PRKG2: variants seen among roughly 807,000 people sequenced by gnomAD.
PRKG2 encodes the protein protein kinase cGMP-dependent 2, also known as cGMP-dependent protein kinase 2.
PRKG2 carries 33 observed loss-of-function variants against 97.2 expected under a neutral mutation model. The ratio of observed to expected loss-of-function variants is 0.34; its 90% CI spans 0.26 to 0.45. The LOEUF is 0.45. Ranked by LOEUF, PRKG2 falls within the 20% of genes least tolerant of loss-of-function variation. PRKG2 has a pLI of 1.00. For synonymous variants in PRKG2, 330 were observed against 321.8 expected (o/e 1.03, Z -0.27); for missense variants, 638 against 900.0 (o/e 0.71, Z 3.73).
intron 7 of PRKG2, among the ~76,000 whole-genome samples, chr4:81,152,998 A>C (rs1011703270): frequency 6.6e-6 from 1 of 152,208 alleles, no homozygotes; most frequent in Non-Finnish European, 1.5e-5. Flanking sequence ...ACAGGTGCTC[A>C]AGAATTGGCC....
Position 81,159,056 on chromosome 4 carries a change from A to T in PRKG2, c.913-5335T>A, listed in dbSNP as rs568367155. On this transcript the variant is annotated intron_variant, in intron 6 of 18. Coordinates refer to ENST00000264399, the MANE Select transcript of PRKG2 (RefSeq NM_006259.3). Reference sequence around the variant, plus strand: ...ATTCGGGACATAGGCATGGGCAAGGACTTCATGTCTAAAACACCAAAAGCA... The same window carrying T: ...ATTCGGGACATAGGCATGGGCAAGGTCTTCATGTCTAAAACACCAAAAGCA... Among the ~76,000 whole-genome samples, 43 of 152,298 alleles carry T rather than the reference A, an allele frequency of 2.8e-4. No individual in the cohort carries two copies. The South Asian group carries it at 3.7e-3, about 13-fold the overall frequency.
At chr4:81,186,252 T>C (rs574450769) in intron 2 of PRKG2, among the ~76,000 whole-genome samples, 3 of 152,048 alleles carry the variant, frequency 2.0e-5, no homozygotes, top group South Asian at 2.1e-4. Flanking sequence ...TGCAAAAGAA[T>C]GGAAATCATA....
At chr4:81,098,556 C>G (rs2109954667) in intron 17 of PRKG2, among the ~76,000 whole-genome samples, 1 of 152,198 alleles carries the variant, frequency 6.6e-6, no homozygotes, top group South Asian at 2.1e-4. Flanking sequence ...AAGTGAGAGA[C>G]TTGAGACTGT....
Position 81,148,895 on chromosome 4 carries a change from A to C in PRKG2, c.1143T>G (p.Val381=), listed in dbSNP as rs1214380213. ...IAEENDVACL[V]IDRETFNQTV... is the part of the protein sequence containing the mutation. ...ATCAGTATACTCACTCTCGATCTAT[A>C]ACCAGGCATGCAACATCATTTTCTT... The change falls in exon 9 of 19, where the codon GTT becomes GTG. Residue 381 remains valine, a synonymous_variant. Transcript: ENST00000264399. 5 of 1,613,710 alleles carry C rather than the reference A, an allele frequency of 3.1e-6. No homozygotes were observed. The highest frequency in any genetic ancestry group is 4.2e-6 in the Non-Finnish European group (5 of 1,179,660).
chr4:81,127,574 GT>G (rs1022548627), intron 14 of PRKG2, among the ~76,000 whole-genome samples: 19 of 152,074 alleles, frequency 1.2e-4, no homozygotes, highest in Admixed American at 1.3e-4. Context: ...GTATTCCTAG[GT>G]TTTTTATTCT....
chr4:81,092,582 T>C (rs28454856), intron 17 of PRKG2, 130 bp from the exon 18 acceptor site: 74,661 of 661,740 alleles, frequency 0.11, 10,416 homozygotes, highest in African/African-American at 0.55. Flanking sequence ...AAGTTATCTG[T>C]CATGGCTTTA....
At chr4:81,167,076 C>T (rs1750049320) in intron 6 of PRKG2, 85 bp downstream of exon 6, 4 of 1,011,214 alleles carry the variant, frequency 4.0e-6, no homozygotes, top group Middle Eastern at 3.0e-4. Context: ...GCTCTGACAT[C>T]TTTTTATTTA....
intron 14 of PRKG2, among the ~76,000 whole-genome samples, chr4:81,131,478 T>C (rs1422050580): frequency 6.6e-6 from 1 of 152,242 alleles, no homozygotes; most frequent in Non-Finnish European, 1.5e-5. Flanking sequence ...AAAATTGATT[T>C]GTCTTTTTAT....
At chr4:81,131,153 G>GACCCACACCTGCCTTCTGCATT (rs1560564415) in intron 14 of PRKG2, among the ~76,000 whole-genome samples, 15 of 152,136 alleles carry the variant, frequency 9.9e-5, no homozygotes, top group African/African-American at 3.6e-4. Context: ...TGGGTTGCAA[G>GACCCACACCTGCCTTCTGCATT]GACCATGGGA....
chr4:81,142,034 AAAG>A (rs1747346370), intron 11 of PRKG2, among the ~76,000 whole-genome samples: 1 of 152,216 alleles, frequency 6.6e-6, no homozygotes, highest in Non-Finnish European at 1.5e-5. Flanking sequence ...TCTGATGGGC[AAAG>A]AAGGACTCGG....
intron 9 of PRKG2, among the ~76,000 whole-genome samples, chr4:81,147,685 G>A (rs904088168): frequency 2.6e-5 from 4 of 152,038 alleles, no homozygotes; most frequent in African/African-American, 9.7e-5. Context: ...GCCTGGACAG[G>A]GACGGCTCCA....
intron 14 of PRKG2, among the ~76,000 whole-genome samples, chr4:81,111,101 G>T (rs1743882867): frequency 6.6e-6 from 1 of 152,036 alleles, no homozygotes; most frequent in South Asian, 2.1e-4. Context: ...ATGGACTAAT[G>T]CTGAGAAGGG....
chr4:81,151,659 C>A (rs1360261973), intron 8 of PRKG2, among the ~76,000 whole-genome samples: 1 of 152,152 alleles, frequency 6.6e-6, no homozygotes, highest in African/African-American at 2.4e-5. Flanking sequence ...ATATAAAGAT[C>A]TGTATACAAG....
intron 10 of PRKG2, 135 bp from the exon 11 acceptor site, chr4:81,143,082 A>G: frequency 8.7e-7 from 1 of 1,151,312 alleles, no homozygotes; most frequent in East Asian, 2.4e-5. Context: ...AGGCTATCCC[A>G]ACTTTTATGG....
intron 17 of PRKG2, among the ~76,000 whole-genome samples, chr4:81,100,307 C>G (rs1742602304): frequency 6.6e-6 from 1 of 152,280 alleles, no homozygotes; most frequent in East Asian, 1.9e-4. Flanking sequence ...TACCTGACTT[C>G]AAACTATACT....
intron 3 of PRKG2, among the ~76,000 whole-genome samples, chr4:81,172,335 C>G (rs1750556578): frequency 6.6e-6 from 1 of 152,082 alleles, no homozygotes; most frequent in Admixed American, 6.6e-5. Context: ...GATGGAATGA[C>G]AACCCGTCAT....
chr4:81,181,080 C>G (rs1031470476), intron 2 of PRKG2, among the ~76,000 whole-genome samples: 1 of 149,504 alleles, frequency 6.7e-6, no homozygotes, highest in Non-Finnish European at 1.5e-5. Flanking sequence ...TGAGAACATG[C>G]AGATACACAT....
intron 14 of PRKG2, among the ~76,000 whole-genome samples, chr4:81,119,819 C>A (rs1744904457): frequency 6.6e-6 from 1 of 151,980 alleles, no homozygotes; most frequent in Non-Finnish European, 1.5e-5. Flanking sequence ...GGGCTACAGG[C>A]ACCCGCCACC....
chr4:81,115,275 T>C (rs1744404740), intron 14 of PRKG2, among the ~76,000 whole-genome samples: 1 of 152,204 alleles, frequency 6.6e-6, no homozygotes, highest in Non-Finnish European at 1.5e-5. Context: ...TTTAGTAATA[T>C]AAACTTTATA....
Sources: allele counts gnomAD v4.1 joint callset (sites outside exome capture counted in the v4.1 genomes callset), GRCh38; gene constraint gnomAD v4.1.1; transcripts MANE v1.5; gene names NCBI Gene and HGNC (gene_info 2026-07-23, HGNC 2026-07-21).